Variants in THSD7B observed in about 807,000 individuals in gnomAD.
The protein encoded by THSD7B is thrombospondin type-1 domain-containing protein 7B.
Under a neutral mutation model 213.6 loss-of-function variants are expected in THSD7B, and 138 were observed. The ratio of observed to expected loss-of-function variants is 0.65; its 90% CI spans 0.56 to 0.74. The LOEUF is 0.74. Among genes scored for constraint, THSD7B ranks in the 30% least tolerant of loss-of-function variants. THSD7B has a pLI of 0.00. For missense variants in THSD7B, 1,931 were observed against 1,991.5 expected (o/e 0.97, Z 0.58); for synonymous variants, 742 against 687.0 (o/e 1.08, Z -1.25).
chr2:136,775,454 A>C (rs997347857), intron 1 of THSD7B, among the ~76,000 whole-genome samples: 1 of 152,140 alleles, frequency 6.6e-6, no homozygotes, highest in Non-Finnish European at 1.5e-5. Context: ...GGAGTAAAGG[A>C]TGTGGACATC....
chr2:137,255,799 C>G (rs547757631), intron 10 of THSD7B, among the ~76,000 whole-genome samples: 1 of 152,130 alleles, frequency 6.6e-6, no homozygotes, highest in African/African-American at 2.4e-5. Flanking sequence ...GCCTCAAACT[C>G]CTGGGCTTAA....
At chr2:136,843,389 G>A (rs771801832) in intron 1 of THSD7B, among the ~76,000 whole-genome samples, 5 of 152,068 alleles carry the variant, frequency 3.3e-5, no homozygotes, top group African/African-American at 4.8e-5. Context: ...TAATGGAATC[G>A]TATTCGTGAA....
At chr2:137,267,000 G>C (rs1399389316) in intron 10 of THSD7B, among the ~76,000 whole-genome samples, 3 of 152,036 alleles carry the variant, frequency 2.0e-5, no homozygotes, top group African/African-American at 7.2e-5. Flanking sequence ...TCACCCAAAG[G>C]GTCTCTTTAC....
At chr2:137,307,618 A>T (rs1683786543) in intron 12 of THSD7B, among the ~76,000 whole-genome samples, 1 of 152,224 alleles carries the variant, frequency 6.6e-6, no homozygotes, top group African/African-American at 2.4e-5. Context: ...ATGTGTCCCT[A>T]AAAAAGCTTT....
intron 3 of THSD7B, among the ~76,000 whole-genome samples, chr2:137,073,702 G>T (rs1687552417): frequency 1.3e-5 from 2 of 152,002 alleles, no homozygotes; most frequent in Admixed American, 1.3e-4. Context: ...GATCTTTCCT[G>T]CTTTCTCTTG....
chr2:137,160,936 A>G (rs1169087182), intron 6 of THSD7B, among the ~76,000 whole-genome samples: 1 of 152,040 alleles, frequency 6.6e-6, no homozygotes, highest in African/African-American at 2.4e-5. Flanking sequence ...CATGTTTTTT[A>G]TATATAATGG....
chr2:137,269,240 G>A (rs73958743), intron 10 of THSD7B, among the ~76,000 whole-genome samples: 3,272 of 152,258 alleles, frequency 0.021, 120 homozygotes, highest in African/African-American at 0.072. Context: ...ATTTTCACTA[G>A]AGGATCCATC....
chr2:136,917,729 G>A (rs1224658952), intron 2 of THSD7B, among the ~76,000 whole-genome samples: 2 of 152,132 alleles, frequency 1.3e-5, no homozygotes, highest in African/African-American at 2.4e-5. Flanking sequence ...AGTAAAAGTT[G>A]GCCTACCGTC....
intron 15 of THSD7B, among the ~76,000 whole-genome samples, chr2:137,497,136 G>T (rs1679586059): frequency 6.6e-6 from 1 of 151,700 alleles, no homozygotes; most frequent in Admixed American, 6.6e-5. Flanking sequence ...AGAAAGATTG[G>T]TAGTTACTTT....
chr2:137,333,616 G>T (rs1684566474), intron 12 of THSD7B, among the ~76,000 whole-genome samples: 1 of 152,134 alleles, frequency 6.6e-6, no homozygotes, highest in African/African-American at 2.4e-5. Context: ...AGACTGCTAA[G>T]GTCTCCCTAT....
At chr2:137,656,678 G>A in intron 22 of THSD7B, 118 bp from the exon 23 acceptor site, 1 of 853,248 alleles carries the variant, frequency 1.2e-6, no homozygotes. Context: ...TATAGAATGT[G>A]TAGTATCAGG....
intron 20 of THSD7B, among the ~76,000 whole-genome samples, chr2:137,626,480 AG>A (rs1174371117): frequency 0.016 from 2,271 of 143,122 alleles, 55 homozygotes; most frequent in South Asian, 0.051. Context: ...AAAAAAAAAA[AG>A]AAAAAGAAAA....
In THSD7B at chr2:137,115,221, G is replaced by A. The variant is rs367887495; in HGVS notation, c.1297G>A (p.Gly433Ser). 60 of 1,613,532 alleles carry A rather than the reference G, an allele frequency of 3.7e-5. No individual in the cohort carries two copies. The highest frequency in any genetic ancestry group is 1.5e-4 in the African/African-American group (11 of 74,886). ...GCATGTGACGGGACCCGTGTGTGGC[G>A]GTGGGATCCAGACCCGGGAGGTGTA... ...HWHVTGPVCG[G>S]GIQTREVYCA... Residue 433 changes from glycine to serine, a missense_variant, in exon 5 of 28, where the codon GGT (glycine) becomes AGT (serine). By Grantham distance (56) the Gly-to-Ser change is moderately conservative (BLOSUM62 0). Coordinates refer to ENST00000409968, the MANE Select transcript of THSD7B (RefSeq NM_001316349.2).
At chr2:137,313,871 G>T (rs1420477850) in intron 12 of THSD7B, among the ~76,000 whole-genome samples, 3 of 152,210 alleles carry the variant, frequency 2.0e-5, no homozygotes, top group African/African-American at 7.2e-5. Flanking sequence ...TCTGCCGAGA[G>T]ATCTGCTGTT....
intron 1 of THSD7B, among the ~76,000 whole-genome samples, chr2:136,826,453 A>C (rs896171015): frequency 6.6e-6 from 1 of 152,162 alleles, no homozygotes; most frequent in East Asian, 1.9e-4. Flanking sequence ...GTTGTTACAG[A>C]GCTCTTTGAT....
In THSD7B at chr2:137,056,719, C is replaced by T; in HGVS notation, c.439C>T (p.Gln147Ter). The change falls in exon 3 of 28, where the codon CAG (glutamine) becomes TAG (stop). Residue 147 changes from glutamine to a stop codon, truncating the protein, a stop_gained. Coordinates refer to ENST00000409968, the MANE Select transcript of THSD7B (RefSeq NM_001316349.2). LOFTEE classifies it high-confidence loss of function. ...GCAGCACCGGATGGTGCGCTGCATTCAGAAGCTGAACCGAACTGTGGTTGC... is the reference window on the plus strand; with the variant it reads ...GCAGCACCGGATGGTGCGCTGCATTTAGAAGCTGAACCGAACTGTGGTTGC... Reference protein sequence around the residue: ...GLQHRMVRCIQKLNRTVVANE... With the variant: ...GLQHRMVRCI 1 of 1,613,958 alleles carries T rather than the reference C, an allele frequency of 6.2e-7. No homozygotes were observed. The highest frequency in any genetic ancestry group is 8.5e-7 in the Non-Finnish European group (1 of 1,179,888).
intron 10 of THSD7B, among the ~76,000 whole-genome samples, chr2:137,263,684 T>C (rs1219747764): frequency 6.6e-6 from 1 of 152,234 alleles, no homozygotes; most frequent in African/African-American, 2.4e-5. Flanking sequence ...TGTATATAGA[T>C]AGATAGAATC....
At chr2:137,097,454 A>G (rs1279683671) in intron 4 of THSD7B, among the ~76,000 whole-genome samples, 2 of 152,192 alleles carry the variant, frequency 1.3e-5, no homozygotes, top group African/African-American at 2.4e-5. Context: ...GTAAATTGGC[A>G]TTAAGATTCA....
chr2:136,936,034 CCT>C (rs1684720949), intron 2 of THSD7B, among the ~76,000 whole-genome samples: 1 of 147,812 alleles, frequency 6.8e-6, no homozygotes, highest in Non-Finnish European at 1.5e-5. Flanking sequence ...TAGTCGAGGC[CCT>C]CTCTCCTGTT....
Sources: gnomAD v4.1 joint callset for allele counts (sites outside exome capture counted in the v4.1 genomes callset) on GRCh38, gnomAD v4.1.1 for gene constraint, MANE v1.5 for transcripts, NCBI Gene and HGNC (gene_info 2026-07-23, HGNC 2026-07-21) for gene names.